The following LRFN2 variants were observed in gnomAD, a reference collection of about 807,000 sequenced individuals.
LRFN2 encodes the protein leucine rich repeat and fibronectin type III domain containing 2, also known as leucine-rich repeat and fibronectin type-III domain-containing protein 2.
In LRFN2, 18 loss-of-function variants were observed where a neutral mutation model predicts 37.3. That is an observed-to-expected ratio of 0.48 (90% CI 0.33 to 0.72). LRFN2 has a LOEUF of 0.72. Among genes scored for constraint, LRFN2 ranks in the 30% least tolerant of loss-of-function variants. The pLI, the probability that LRFN2 is intolerant of heterozygous loss-of-function variation, is 0.02. For missense variants in LRFN2, 1,006 were observed against 1,060.7 expected (o/e 0.95, Z 0.72); for synonymous variants, 556 against 466.6 (o/e 1.19, Z -2.47).
At chr6:40,436,568 G>T (rs949496147) in intron 1 of LRFN2, among the ~76,000 whole-genome samples, 7 of 151,766 alleles carry the variant, frequency 4.6e-5, no homozygotes, top group Admixed American at 4.6e-4. Flanking sequence ...ACACAGCTCT[G>T]CCCTGGCCTC....
intron 2 of LRFN2, among the ~76,000 whole-genome samples, chr6:40,420,947 GGAGCCCCTGGGAGT>G (rs1254997401): frequency 6.6e-6 from 1 of 152,210 alleles, no homozygotes; most frequent in East Asian, 1.9e-4. Context: ...ACCCCTAATG[GGAGCCCCTGGGAGT>G]GAGCATAGAC....
intron 1 of LRFN2, among the ~76,000 whole-genome samples, chr6:40,493,648 C>A (rs1450900305): frequency 6.6e-6 from 1 of 152,214 alleles, no homozygotes; most frequent in Non-Finnish European, 1.5e-5. Context: ...CCTCCTGCAC[C>A]TCCATCTCTT....
intron 1 of LRFN2, among the ~76,000 whole-genome samples, chr6:40,436,497 T>G (rs1316265634): frequency 6.6e-6 from 1 of 152,056 alleles, no homozygotes; most frequent in East Asian, 1.9e-4. Context: ...ATATGTGTTT[T>G]TTTTTTTCAT....
chr6:40,576,960 C>T (rs1767291582), intron 1 of LRFN2, among the ~76,000 whole-genome samples: 1 of 152,068 alleles, frequency 6.6e-6, no homozygotes, highest in African/African-American at 2.4e-5. Context: ...ATGATCCGTT[C>T]CTGCACCCTG....
At chr6:40,427,625 G>T (rs1205229484) in intron 2 of LRFN2, among the ~76,000 whole-genome samples, 1 of 152,220 alleles carries the variant, frequency 6.6e-6, no homozygotes, top group African/African-American at 2.4e-5. Context: ...GTGAACCCAT[G>T]TTAGGTTAGC....
At chr6:40,447,089 G>A (rs1371845130) in intron 1 of LRFN2, among the ~76,000 whole-genome samples, 1 of 151,316 alleles carries the variant, frequency 6.6e-6, no homozygotes, top group Admixed American at 6.6e-5. Context: ...CCTGAGTCAG[G>A]GCTGTGTCTC....
chr6:40,438,999 G>C (rs1449594630), intron 1 of LRFN2, among the ~76,000 whole-genome samples: 2 of 152,170 alleles, frequency 1.3e-5, no homozygotes, highest in Non-Finnish European at 2.9e-5. Flanking sequence ...GGCAGAAAAG[G>C]AAAGTTCTTG....
intron 2 of LRFN2, among the ~76,000 whole-genome samples, chr6:40,397,928 G>A (rs2436727): frequency 0.96 from 145,798 of 151,868 alleles, 70,261 homozygotes; most frequent in Non-Finnish European, 1. Flanking sequence ...GTCAAGAGTA[G>A]GAATTAAGGC....
chr6:40,494,960 T>C (rs1765189977), intron 1 of LRFN2, among the ~76,000 whole-genome samples: 1 of 152,192 alleles, frequency 6.6e-6, no homozygotes, highest in Non-Finnish European at 1.5e-5. Context: ...TCCTTCATGC[T>C]CACCTGGAAA....
chr6:40,476,062 C>T (rs933302605), intron 1 of LRFN2, among the ~76,000 whole-genome samples: 1 of 152,128 alleles, frequency 6.6e-6, no homozygotes, highest in Non-Finnish European at 1.5e-5. Context: ...GTCTGATGGG[C>T]CCAGCGTGGC....
intron 1 of LRFN2, among the ~76,000 whole-genome samples, chr6:40,504,155 C>T (rs1765464634): frequency 6.6e-6 from 1 of 152,132 alleles, no homozygotes; most frequent in South Asian, 2.1e-4. Flanking sequence ...CATTCCAAGG[C>T]TGGTTGTTGC....
At chr6:40,553,751 C>T (rs905236219) in intron 1 of LRFN2, among the ~76,000 whole-genome samples, 4 of 152,174 alleles carry the variant, frequency 2.6e-5, no homozygotes, top group Admixed American at 6.5e-5. Context: ...CCATTATCTC[C>T]GTAAGTAGTC....
intron 1 of LRFN2, chr6:40,524,078 A>G (rs1400688471): frequency 6.6e-6 from 1 of 152,190 alleles, no homozygotes; most frequent in Non-Finnish European, 1.5e-5. Context: ...GGTTTTCCTC[A>G]TCATCGTGAA....
chr6:40,419,113 A>ACCACTGCCCTCTAAGGGGGCTT (rs1763161408), intron 2 of LRFN2, among the ~76,000 whole-genome samples: 1 of 152,202 alleles, frequency 6.6e-6, no homozygotes, highest in African/African-American at 2.4e-5. Context: ...AGGTTTGAGA[A>ACCACTGCCCTCTAAGGGGGCTT]CCACTGCCCT....
At position 40,432,989 on chromosome 6, in the gene LRFN2, C is replaced by A; in HGVS notation, c.125G>T (p.Gly42Val). Residue 42 changes from glycine to valine, a missense_variant, in exon 2 of 3, where the codon GGG becomes GTG. Gly to Val is a moderately radical substitution (Grantham distance 109). Around this residue, in one of 4 missense-constraint regions of LRFN2, gnomAD observed 185 missense variants for 254.9 expected, o/e 0.73. Transcript: ENST00000338305. ...ESLGTLCPSK[G>V]LLFVPPDIDR... ...AATATCAGGGGGTACAAAGAGCAGC[C>A]CCTTGGAGGGGCACAGGGTCCCCAG... The A allele has an allele frequency of 6.2e-7, 1 of 1,611,466 alleles. No homozygotes were observed. Among genetic ancestry groups the A allele is most frequent in the Non-Finnish European group, 8.5e-7 (1 of 1,178,382 alleles).
rs1767520461 is a variant in LRFN2, at chr6:40,587,243, C to G, written c.-321G>C. 1 of 152,182 alleles carries G rather than the reference C, an allele frequency of 6.6e-6. No homozygotes were observed. Among genetic ancestry groups the G allele is most frequent in the Admixed American group, 6.5e-5 (1 of 15,280 alleles). 9.4% of individuals were successfully genotyped at this position (152,182 alleles called of 1,614,324 possible). On this transcript the variant is annotated 5_prime_UTR_variant, in exon 1 of 3. Transcript: ENST00000338305. This position sits in a 1 kb window ranked among gnomAD's most constrained non-coding sequence, Gnocchi z 4.2. ...ATAATAATCCCTCCCTAGGAGGATG[C>G]CGGTAGGATTTTCCGGATCGAAGAA...
At position 40,579,740 on chromosome 6, in the gene LRFN2, G is replaced by T. The variant is rs148860832; in HGVS notation, c.-19+7201C>A. Among the ~76,000 whole-genome samples, 337 of 152,238 alleles carry T rather than the reference G, an allele frequency of 2.2e-3. 1 individual carries two copies. The highest frequency in any genetic ancestry group is 3.5e-3 in the Admixed American group (54 of 15,292). Reference sequence around the variant, plus strand: ...GTCCACAAACAGGGCTGGAAAAAGTGCAAGAGAAGAAGTCAAATGATCAGT... The same window carrying T: ...GTCCACAAACAGGGCTGGAAAAAGTTCAAGAGAAGAAGTCAAATGATCAGT... On this transcript the variant is annotated intron_variant, in intron 1 of 2. Transcript: ENST00000338305.
At chr6:40,547,722 C>G (rs2113920276) in intron 1 of LRFN2, among the ~76,000 whole-genome samples, 1 of 152,176 alleles carries the variant, frequency 6.6e-6, no homozygotes, top group African/African-American at 2.4e-5. Flanking sequence ...CCCCAGCTTC[C>G]TCATCACGAG....
chr6:40,413,665 C>T (rs1763023708), intron 2 of LRFN2, among the ~76,000 whole-genome samples: 1 of 152,228 alleles, frequency 6.6e-6, no homozygotes, highest in Non-Finnish European at 1.5e-5. Flanking sequence ...ATGCATCAGC[C>T]TGCCTGCCTC....
Sources: allele counts gnomAD v4.1 joint callset (sites outside exome capture counted in the v4.1 genomes callset), GRCh38; gene constraint gnomAD v4.1.1; regional missense constraint gnomAD v4.1.1; non-coding constraint Gnocchi (gnomAD v3.1); transcripts MANE v1.5; gene names NCBI Gene and HGNC (gene_info 2026-07-23, HGNC 2026-07-21).